Variants in CADM2 observed in about 807,000 individuals in gnomAD.
CADM2 encodes the protein immunoglobulin superfamily member 4D.
Under a neutral mutation model 49.8 loss-of-function variants are expected in CADM2, and 12 were observed. The ratio of observed to expected loss-of-function variants is 0.24; its 90% confidence interval spans 0.15 to 0.39. CADM2 has a LOEUF of 0.39. CADM2 is among the 10% of genes least tolerant of loss of function. The pLI, the probability that CADM2 is intolerant of heterozygous loss-of-function variation, is 1.00. For synonymous variants in CADM2, 214 were observed against 175.4 expected, an observed-to-expected ratio of 1.22 and a Z score of -1.74; for missense variants, 378 against 492.3, an observed-to-expected ratio of 0.77 and a Z score of 2.20.
intron 3 of CADM2, among the ~76,000 whole-genome samples, chr3:85,864,389 G>A (rs780323133): frequency 6.6e-6 from 1 of 152,092 alleles, no homozygotes; most frequent in African/African-American, 2.4e-5. Flanking sequence ...ATCTTTATGA[G>A]GAATTTGCCT....
chr3:85,926,137 AAAATAAATAAATAAATAAAT>A (rs6147941), intron 6 of CADM2, among the ~76,000 whole-genome samples: 6 of 143,580 alleles, frequency 4.2e-5, no homozygotes, highest in East Asian at 2.1e-4. Context: ...CTCTGTCTCA[AAAATAAATAAATAAATAAAT>A]AAATAAATAA....
intron 8 of CADM2, chr3:86,012,528 C>A: frequency 2.2e-6 from 3 of 1,367,884 alleles, no homozygotes; most frequent in Non-Finnish European, 3.0e-6. Context: ...AGGCCGGGAG[C>A]GGAGGGCTGG....
intron 1 of CADM2, among the ~76,000 whole-genome samples, chr3:85,518,553 G>C (rs1382957557): frequency 6.6e-6 from 1 of 151,970 alleles, no homozygotes; most frequent in Non-Finnish European, 1.5e-5. Flanking sequence ...AGTTCTGGGA[G>C]CTGGAAGTCT....
chr3:85,133,555 G>C (rs2039304847), intron 1 of CADM2, among the ~76,000 whole-genome samples: 1 of 150,652 alleles, frequency 6.6e-6, no homozygotes, highest in Non-Finnish European at 1.5e-5. Flanking sequence ...GCTACAGAGT[G>C]CCCACTGGTG....
At chr3:85,251,821 C>T (rs1355436472) in intron 1 of CADM2, among the ~76,000 whole-genome samples, 2 of 151,838 alleles carry the variant, frequency 1.3e-5, no homozygotes, top group East Asian at 1.9e-4. Context: ...GTTTTTATAC[C>T]GAAAGCACTC....
intron 4 of CADM2, 62 bp from the exon 5 acceptor site, chr3:85,886,128 A>G: frequency 6.3e-7 from 1 of 1,589,696 alleles, no homozygotes; most frequent in Non-Finnish European, 8.6e-7. Flanking sequence ...TGAAAGTAAT[A>G]GACATAATAA....
At chr3:85,371,110 G>C (rs909028137) in intron 1 of CADM2, among the ~76,000 whole-genome samples, 1 of 151,974 alleles carries the variant, frequency 6.6e-6, no homozygotes, top group African/African-American at 2.4e-5. Flanking sequence ...AAGTAAAAAC[G>C]TTACAATCAG....
At chr3:85,311,104 C>T (rs1315254716) in intron 1 of CADM2, among the ~76,000 whole-genome samples, 2 of 151,988 alleles carry the variant, frequency 1.3e-5, no homozygotes, top group Non-Finnish European at 2.9e-5. Flanking sequence ...TTTCTTCTCC[C>T]TCAAATTTCT....
intron 5 of CADM2, among the ~76,000 whole-genome samples, chr3:85,897,816 C>A (rs1332054982): frequency 6.6e-6 from 1 of 152,028 alleles, no homozygotes; most frequent in Non-Finnish European, 1.5e-5. Context: ...CCAGACATTG[C>A]AAATTCTTTG....
intron 2 of CADM2, among the ~76,000 whole-genome samples, chr3:85,780,715 A>C (rs2070593182): frequency 6.6e-6 from 1 of 152,140 alleles, no homozygotes. Flanking sequence ...AGCTGTGAAA[A>C]TAATCTTAAT....
At chr3:85,779,770 G>A (rs774497175) in intron 2 of CADM2, among the ~76,000 whole-genome samples, 1 of 152,182 alleles carries the variant, frequency 6.6e-6, no homozygotes, top group Non-Finnish European at 1.5e-5. Context: ...CCCATCATAT[G>A]TGTATCACAA....
intron 8 of CADM2, among the ~76,000 whole-genome samples, chr3:86,017,706 C>T (rs535456439): frequency 1.4e-3 from 203 of 147,976 alleles, no homozygotes; most frequent in African/African-American, 4.4e-3. Flanking sequence ...CCAGCTTGGG[C>T]GACACCAGGA....
In CADM2 at chr3:86,038,137, C is replaced by A. The variant is rs902282438; in HGVS notation, c.971-27468C>A. On this transcript the variant is annotated intron_variant, in intron 8 of 9. Coordinates refer to ENST00000383699, the MANE Select transcript of CADM2 (RefSeq NM_001167675.2). ...GCTGAGAATGATAGTTTCCAGCTTG[C>A]TTTCCCTCTTGTTGATACAAAAAAA... Among the ~76,000 whole-genome samples the A allele has an allele frequency of 3.3e-5, 5 of 152,176 alleles. No individual in the cohort carries two copies. The South Asian group carries it at 8.3e-4, about 25-fold the overall frequency.
intron 8 of CADM2, among the ~76,000 whole-genome samples, chr3:86,032,978 T>G (rs1734726775): frequency 6.6e-6 from 1 of 151,924 alleles, no homozygotes; most frequent in Non-Finnish European, 1.5e-5. Flanking sequence ...TATAGCAACC[T>G]TTATCAATCT....
chr3:85,955,167 C>G (rs142472968), intron 7 of CADM2, among the ~76,000 whole-genome samples: 89 of 150,632 alleles, frequency 5.9e-4, no homozygotes, highest in African/African-American at 2.0e-3. Flanking sequence ...AAGATGTTGT[C>G]TTGAATGTGA....
At chr3:85,064,304 A>G (rs1342069882) in intron 1 of CADM2, among the ~76,000 whole-genome samples, 1 of 152,098 alleles carries the variant, frequency 6.6e-6, no homozygotes, top group African/African-American at 2.4e-5. Context: ...ATTGGAACAC[A>G]TATTCTAAAA....
At chr3:85,984,430 A>G (rs1038830581) in intron 8 of CADM2, among the ~76,000 whole-genome samples, 8 of 151,658 alleles carry the variant, frequency 5.3e-5, no homozygotes, top group African/African-American at 1.9e-4. Flanking sequence ...CTCATTTTAT[A>G]GATGATGTTA....
Position 85,965,962 on chromosome 3 carries a change from G to A in CADM2, c.970+4315G>A, listed in dbSNP as rs1037820525. 7.3e-5 allele frequency among the ~76,000 whole-genome samples: 11 copies of A among 151,546 alleles called. No individual in the cohort carries two copies. The South Asian group carries it at 1.9e-3, about 26-fold the overall frequency. On this transcript the variant is annotated intron_variant, in intron 8 of 9. Coordinates refer to ENST00000383699, the MANE Select transcript of CADM2 (RefSeq NM_001167675.2). ...GAAAGCTTTGAGAAAGAACATCTACGGAAAGTGAGAAACGCAAATTACCAC... is the reference window on the plus strand; with the variant it reads ...GAAAGCTTTGAGAAAGAACATCTACAGAAAGTGAGAAACGCAAATTACCAC...
chr3:85,298,234 A>G (rs1166550630), intron 1 of CADM2, among the ~76,000 whole-genome samples: 1 of 152,034 alleles, frequency 6.6e-6, no homozygotes, highest in African/African-American at 2.4e-5. Context: ...AATCAAGTAG[A>G]TTAGCAGGTT....
Sources: gnomAD v4.1 joint callset for allele counts (sites outside exome capture counted in the v4.1 genomes callset) on GRCh38, gnomAD v4.1.1 for gene constraint, MANE v1.5 for transcripts, NCBI Gene and HGNC (gene_info 2026-07-23, HGNC 2026-07-21) for gene names.